The following PLCH1 variants were observed in gnomAD, a reference collection of about 807,000 sequenced individuals.
PLCH1 encodes the protein 1-phosphatidylinositol 4,5-bisphosphate phosphodiesterase eta-1.
In PLCH1, 60 loss-of-function variants were observed where a neutral mutation model predicts 126.7. The observed-to-expected ratio is 0.47, with a 90% confidence interval of 0.38 to 0.59. The LOEUF is 0.59. PLCH1 is among the 20% of genes least tolerant of loss of function. The pLI is 0.00. For synonymous variants in PLCH1, 719 were observed against 734.9 expected, an observed-to-expected ratio of 0.98 and a Z score of 0.35; for missense variants, 1,723 against 2,040.0, an observed-to-expected ratio of 0.84 and a Z score of 2.99.
intron 6 of PLCH1, among the ~76,000 whole-genome samples, chr3:155,582,120 C>T (rs1358517089): frequency 6.5e-5 from 9 of 138,106 alleles, no homozygotes; most frequent in African/African-American, 1.9e-4. Context: ...CTCGCTCTGC[C>T]GCCCAGGCTG....
intron 15 of PLCH1, among the ~76,000 whole-genome samples, chr3:155,496,172 T>A (rs1439638171): frequency 1.3e-5 from 2 of 152,078 alleles, no homozygotes; most frequent in African/African-American, 4.8e-5. Context: ...GGCAAAAAAA[T>A]TAAAAAGACA....
At chr3:155,702,581 T>C (rs1746356529) in intron 2 of PLCH1, among the ~76,000 whole-genome samples, 1 of 151,952 alleles carries the variant, frequency 6.6e-6, no homozygotes, top group Non-Finnish European at 1.5e-5. Context: ...AATAAACTAA[T>C]TGGTAATACG....
intron 14 of PLCH1, among the ~76,000 whole-genome samples, chr3:155,500,230 C>A (rs188326122): frequency 6.6e-6 from 1 of 152,148 alleles, no homozygotes; most frequent in Non-Finnish European, 1.5e-5. Flanking sequence ...CAGGCCAGGG[C>A]TTACAGGGCT....
chr3:155,733,589 A>G (rs537699619), intron 1 of PLCH1, among the ~76,000 whole-genome samples: 7 of 152,212 alleles, frequency 4.6e-5, no homozygotes, highest in Non-Finnish European at 7.3e-5. Context: ...AAAGATTTAA[A>G]TGTAAAACTT....
chr3:155,544,811 C>A (rs917461642), intron 10 of PLCH1, among the ~76,000 whole-genome samples: 2 of 151,410 alleles, frequency 1.3e-5, no homozygotes, highest in Admixed American at 1.3e-4. Flanking sequence ...GAAATGAAGG[C>A]AGAAATAAAG....
chr3:155,724,017 G>A (rs1748139349), intron 1 of PLCH1, among the ~76,000 whole-genome samples: 1 of 151,488 alleles, frequency 6.6e-6, no homozygotes, highest in African/African-American at 2.4e-5. Flanking sequence ...CCATTCAGGT[G>A]CAGGTTATTT....
chr3:155,495,266 G>A (rs1426926438), intron 15 of PLCH1, among the ~76,000 whole-genome samples: 1 of 152,116 alleles, frequency 6.6e-6, no homozygotes, highest in African/African-American at 2.4e-5. Flanking sequence ...CAATCATCAG[G>A]AGGGGTCAAT....
downstream of PLCH1, among the ~76,000 whole-genome samples, chr3:155,476,736 T>G (rs1042193639): frequency 6.6e-6 from 1 of 151,938 alleles, no homozygotes; most frequent in Non-Finnish European, 1.5e-5. Context: ...AAAACACTGA[T>G]GAAGGAAATT....
At chr3:155,555,624 A>G (rs567053845) in intron 8 of PLCH1, among the ~76,000 whole-genome samples, 11 of 152,300 alleles carry the variant, frequency 7.2e-5, no homozygotes, top group East Asian at 5.8e-4. Flanking sequence ...TGACAATTCA[A>G]TCTTACTTTC....
chr3:155,516,265 C>T (rs1720293405), intron 11 of PLCH1, among the ~76,000 whole-genome samples: 1 of 152,190 alleles, frequency 6.6e-6, no homozygotes, highest in African/African-American at 2.4e-5. Context: ...ACAACCAATA[C>T]AACAGAGTTT....
In PLCH1 at chr3:155,704,256, C is replaced by T; in HGVS notation, c.-32G>A. The T allele has an allele frequency of 3.0e-6, 3 of 993,592 alleles. No homozygotes were observed. The highest frequency in any genetic ancestry group is 3.9e-6 in the Non-Finnish European group (3 of 770,262). 61.5% of individuals were successfully genotyped at this position (993,592 alleles called of 1,614,324 possible). On this transcript the variant is annotated 5_prime_UTR_variant, in exon 2 of 23. Coordinates refer to ENST00000460012, the MANE Select transcript of PLCH1 (RefSeq NM_014996.4). ...AAGATTTCTGGCACAGCATCAAAAC[C>T]AAATTGCCCTGTCAAGGGAAACAGA...
chr3:155,566,184 CATAT>C lies in PLCH1; in HGVS notation c.866-1070_866-1067del, dbSNP rs1553838981. Reference sequence around the variant, plus strand: ...ACATACATATATACACATATATACACATATATATACACATACATATATACACATA... The same window carrying C: ...ACATACATATATACACATATATACACATATACACATACATATATACACATA... On this transcript the variant is annotated intron_variant, in intron 7 of 22. Transcript: ENST00000460012. Among the ~76,000 whole-genome samples, 2 of 53,902 alleles carry C rather than the reference CATAT, an allele frequency of 3.7e-5. 1 individual carries two copies. The highest frequency in any genetic ancestry group is 5.8e-4 in the East Asian group (2 of 3,454). 35.4% of individuals were successfully genotyped at this position (53,902 alleles called of 152,430 possible). A position where few individuals can be genotyped will look rare whatever the true frequency, so the allele number is the denominator to read the frequency against.
intron 1 of PLCH1, among the ~76,000 whole-genome samples, chr3:155,735,392 G>C (rs1230014050): frequency 6.8e-6 from 1 of 147,628 alleles, no homozygotes; most frequent in Admixed American, 6.7e-5. Flanking sequence ...CCAACACTTT[G>C]GGAGGCCAAG....
At chr3:155,620,516 A>G (rs1736333953) in intron 2 of PLCH1, among the ~76,000 whole-genome samples, 1 of 152,234 alleles carries the variant, frequency 6.6e-6, no homozygotes, top group African/African-American at 2.4e-5. Flanking sequence ...AGAAGAGTAA[A>G]AATTGTATCA....
intron 22 of PLCH1, among the ~76,000 whole-genome samples, chr3:155,484,379 C>T (rs1371358938): frequency 2.0e-5 from 3 of 152,144 alleles, no homozygotes; most frequent in Non-Finnish European, 4.4e-5. Context: ...AAATTTCAAG[C>T]TTTTAAATGT....
chr3:155,558,914 G>A (rs1438735813), intron 8 of PLCH1, among the ~76,000 whole-genome samples: 2 of 152,048 alleles, frequency 1.3e-5, no homozygotes, highest in Non-Finnish European at 2.9e-5. Context: ...TTGTTAGGAG[G>A]ACCACAGAGA....
At chr3:155,492,708 A>T in intron 18 of PLCH1, 21 bp downstream of exon 18, 1 of 1,540,836 alleles carries the variant, frequency 6.5e-7, no homozygotes. Context: ...CCACTTAGAC[A>T]CGTAGTCATA....
intron 11 of PLCH1, among the ~76,000 whole-genome samples, chr3:155,516,957 A>G (rs978074608): frequency 1.2e-4 from 18 of 152,214 alleles, no homozygotes; most frequent in Non-Finnish European, 2.6e-4. Context: ...GAATCGGGGG[A>G]CAATTCCAGG....
intron 2 of PLCH1, among the ~76,000 whole-genome samples, chr3:155,602,113 A>G (rs990346762): frequency 1.3e-5 from 2 of 152,194 alleles, no homozygotes; most frequent in Non-Finnish European, 2.9e-5. Context: ...AGGTTGAGTA[A>G]AATAAACAAT....
Sources: gnomAD v4.1 joint callset for allele counts (sites outside exome capture counted in the v4.1 genomes callset) on GRCh38, gnomAD v4.1.1 for gene constraint, MANE v1.5 for transcripts, NCBI Gene and HGNC (gene_info 2026-07-23, HGNC 2026-07-21) for gene names.